Variants in PKN3 observed in about 807,000 individuals in gnomAD.
The protein encoded by PKN3 is protein kinase N3.
A neutral mutation model predicts 113.1 loss-of-function variants in PKN3; 91 were observed. The ratio of observed to expected loss-of-function variants is 0.80; its 90% CI spans 0.68 to 0.96. PKN3 has a LOEUF of 0.96. Ranked by LOEUF, PKN3 falls within the 40% of genes least tolerant of loss-of-function variation. The pLI, the probability that PKN3 is intolerant of heterozygous loss-of-function variation, is 0.00. For missense variants in PKN3, 1,052 were observed against 1,202.2 expected (o/e 0.88, Z 1.85); for synonymous variants, 467 against 499.0 (o/e 0.94, Z 0.85).
At chr9:128,713,957 G>T in intron 9 of PKN3, 89 bp from the exon 10 acceptor site, 1 of 1,337,864 alleles carries the variant, frequency 7.5e-7, no homozygotes. Flanking sequence ...GACCCTGGGG[G>T]CTTGGGCTGT....
In PKN3 at chr9:128,706,817, G is replaced by A. The variant is rs761163313; in HGVS notation, c.516G>A (p.Pro172=). The change falls in exon 4 of 22, where the codon CCG becomes CCA. Residue 172 remains proline (P), a synonymous_variant. Transcript: ENST00000291906. ...GCAGCCTGGAGGCCAGTGGGTCCCC[G>A]GAGCCAGGTGAGGCCTTGAGACACA... ...KISSLEASGS[P]EPGPELLAEE... 16 of 1,610,518 alleles carry A rather than the reference G, an allele frequency of 9.9e-6. No individual in the cohort carries two copies. The highest frequency in any genetic ancestry group is 5.0e-5 in the Admixed American group (3 of 59,882).
rs371020072 is a variant in PKN3, at chr9:128,720,310, C to T, written c.2457+27C>T. 6.2e-7 allele frequency: 1 copy of T among 1,612,838 alleles called. No homozygotes were observed. The highest frequency in any genetic ancestry group is 2.2e-5 in the East Asian group (1 of 44,848). On this transcript the variant is annotated intron_variant, in intron 21 of 21. Transcript: ENST00000291906. The surrounding 1 kb of genome is among the most constrained non-coding windows in gnomAD (Gnocchi z 5.5). The stretch of plus-strand genomic sequence containing the variant: ...TGAGCGGCTGGGGTGGCGGTGGTCC[C>T]CTGTGCCTGGCAGGGTAGGTGGCAT...
intron 3 of PKN3, 81 bp downstream of exon 3, chr9:128,705,960 A>C: frequency 7.2e-7 from 1 of 1,385,726 alleles, no homozygotes; most frequent in Non-Finnish European, 9.7e-7. Flanking sequence ...TGGGCTCATA[A>C]GGAGACACCA....
At chr9:128,707,050 T>G in intron 5 of PKN3, 27 bp downstream of exon 5, 2 of 1,613,900 alleles carry the variant, frequency 1.2e-6, no homozygotes, top group Non-Finnish European at 1.7e-6. Flanking sequence ...GGCCCTCTCC[T>G]AAGGCTGGCT....
rs764714294 is a variant in PKN3 at position 128,714,818 on chromosome 9, G to A, written c.1605G>A (p.Met535Ile). 5.6e-6 allele frequency: 9 copies of A among 1,614,030 alleles called. No individual in the cohort carries two copies. Among genetic ancestry groups the A allele is most frequent in the Non-Finnish European group, 7.6e-6 (9 of 1,179,968 alleles). ...CACAGCGCACCAAACGTCCCCATATGGAGCCTAGGACTCGACGTGGGCCAT... is the reference window on the plus strand; with the variant it reads ...CACAGCGCACCAAACGTCCCCATATAGAGCCTAGGACTCGACGTGGGCCAT... ...EETPRTKRPH[M>I]EPRTRRGPSP... The change falls in exon 13 of 22, where the codon ATG (methionine) becomes ATA (isoleucine). Residue 535 changes from methionine to isoleucine, a missense_variant. Met to Ile is a conservative substitution (Grantham distance 10). Coordinates refer to ENST00000291906, the MANE Select transcript of PKN3 (RefSeq NM_013355.5).
chr9:128,717,512 ACCTG>A lies in PKN3; in HGVS notation c.1985+590_1985+593del, dbSNP rs1233626735. ...CTTTGGAGGCTGAGGCGGGTGGATC[ACCTG>A]AGGTCAGGAGTTCGTGACCTGGCCA... On this transcript the variant is annotated intron_variant, in intron 16 of 21. Coordinates refer to ENST00000291906, the MANE Select transcript of PKN3 (RefSeq NM_013355.5). Among the ~76,000 whole-genome samples, 3 of 150,942 alleles carry A rather than the reference ACCTG, an allele frequency of 2.0e-5. No individual in the cohort carries two copies. In the East Asian group the frequency reaches 6.0e-4, roughly 30 times the overall value.
At chr9:128,708,259 G>A (rs1862079163) in intron 6 of PKN3, among the ~76,000 whole-genome samples, 1 of 151,912 alleles carries the variant, frequency 6.6e-6, no homozygotes, top group Non-Finnish European at 1.5e-5. Context: ...GCACATGCCT[G>A]TAGTCCCAGC....
chr9:128,710,522 C>T lies in PKN3; in HGVS notation c.836-2530C>T, dbSNP rs185195683. ...TTCTTTTTTTTTTGAGATGGAGTCTCGCACTGTCGCCCAGACTGGAGTGCA... is the reference window on the plus strand; with the variant it reads ...TTCTTTTTTTTTTGAGATGGAGTCTTGCACTGTCGCCCAGACTGGAGTGCA... On this transcript the variant is annotated intron_variant, in intron 6 of 21. Transcript: ENST00000291906. 1.6e-3 allele frequency among the ~76,000 whole-genome samples: 241 copies of T among 151,882 alleles called. 1 individual carries two copies. The highest frequency in any genetic ancestry group is 5.1e-3 in the African/African-American group (210 of 41,416).
At chr9:128,714,700 G>A (rs778274082) in intron 12 of PKN3, 36 bp downstream of exon 12, 21 of 1,350,094 alleles carry the variant, frequency 1.6e-5, no homozygotes, top group Admixed American at 3.4e-5. Context: ...TCCTAGGGCC[G>A]GCTGGGGCTG....
At chr9:128,703,543 G>A in intron 1 of PKN3, 1 of 985,416 alleles carries the variant, frequency 1.0e-6, no homozygotes, top group Non-Finnish European at 1.2e-6. Flanking sequence ...GCGTGGGCCC[G>A]GAGGACCGAG....
chr9:128,713,917 C>T, intron 9 of PKN3, 129 bp from the exon 10 acceptor site: 1 of 944,494 alleles, frequency 1.1e-6, no homozygotes, highest in Non-Finnish European at 1.7e-6. Flanking sequence ...GAATCTGTTT[C>T]TCTGGGTCTT....
rs1221987265 is a variant in PKN3 at position 128,714,041 on chromosome 9, T to A, written c.1237-5T>A. 1.2e-6 allele frequency: 2 copies of A among 1,613,916 alleles called. No homozygotes were observed. Among genetic ancestry groups the A allele is most frequent in the East Asian group, 4.5e-5 (2 of 44,900 alleles). Reference sequence around the variant, plus strand: ...TGGTCCACAACCCTGCCCCTACCCCTGCAGGTGACCTTCTGCGATCCTGTC... The same window carrying A: ...TGGTCCACAACCCTGCCCCTACCCCAGCAGGTGACCTTCTGCGATCCTGTC... On this transcript the variant is annotated splice_region_variant and splice_polypyrimidine_tract_variant and intron_variant, in intron 9 of 21. Transcript: ENST00000291906.
At position 128,702,627 on chromosome 9, in the gene PKN3, A is replaced by C; in HGVS notation, c.-289A>C. The C allele has an allele frequency of 4.2e-5, 16 of 376,654 alleles. No individual in the cohort carries two copies. Among genetic ancestry groups the C allele is most frequent in the East Asian group, 9.4e-5 (2 of 21,360 alleles). 23.3% of individuals were successfully genotyped at this position (376,654 alleles called of 1,614,324 possible). On this transcript the variant is annotated 5_prime_UTR_variant, in exon 1 of 22. Coordinates refer to ENST00000291906, the MANE Select transcript of PKN3 (RefSeq NM_013355.5). The stretch of plus-strand genomic sequence containing the variant: ...TGAGGCGCGGTCACGCCCAGCGGGA[A>C]CCGCAGGCGCCGAAGCCCGGGTACT...
At chr9:128,710,323 A>G (rs1589482085) in intron 6 of PKN3, among the ~76,000 whole-genome samples, 2 of 151,594 alleles carry the variant, frequency 1.3e-5, no homozygotes, top group Non-Finnish European at 2.9e-5. Flanking sequence ...TGGGCTTTGA[A>G]GCTGTATCCC....
chr9:128,704,082 G>A (rs1489790620), intron 1 of PKN3: 1 of 985,290 alleles, frequency 1.0e-6, no homozygotes, highest in East Asian at 1.1e-4. Flanking sequence ...CTGAGTCTGG[G>A]GTTGCGGCCC....
Position 128,705,456 on chromosome 9 carries a change from T to G in PKN3, c.178T>G (p.Ser60Ala). ...LGHVQQLLRS[S>A]NRRLEQLHGE... ...CCATGTGCAGCAGCTGCTGCGGTCC[T>G]CCAACCGCCGCCTGGAGCAGCTGCA... Residue 60 changes from serine to alanine, a missense_variant, in exon 2 of 22, where the codon TCC becomes GCC. Transcript: ENST00000291906. 1 of 1,574,302 alleles carries G rather than the reference T, an allele frequency of 6.4e-7. No individual in the cohort carries two copies. The highest frequency in any genetic ancestry group is 8.6e-7 in the Non-Finnish European group (1 of 1,160,770).
At chr9:128,705,954 C>A in intron 3 of PKN3, 75 bp downstream of exon 3, 1 of 1,417,200 alleles carries the variant, frequency 7.1e-7, no homozygotes, top group Admixed American at 2.5e-5. Context: ...AGCCATTGGG[C>A]TCATAAGGAG....
intron 6 of PKN3, among the ~76,000 whole-genome samples, chr9:128,712,236 C>G (rs1862202525): frequency 6.6e-6 from 1 of 152,106 alleles, no homozygotes; most frequent in South Asian, 2.1e-4. Flanking sequence ...GCTTCTCTTT[C>G]TACCCTGGAC....
intron 16 of PKN3, among the ~76,000 whole-genome samples, chr9:128,717,805 G>T (rs1246172181): frequency 6.7e-6 from 1 of 149,138 alleles, no homozygotes; most frequent in Non-Finnish European, 1.5e-5. Flanking sequence ...GGATCATGAG[G>T]TCAAGAGATC....
Sources: gnomAD v4.1 joint callset for allele counts (sites outside exome capture counted in the v4.1 genomes callset) on GRCh38, gnomAD v4.1.1 for gene constraint, Gnocchi (gnomAD v3.1) non-coding constraint, MANE v1.5 for transcripts, NCBI Gene and HGNC (gene_info 2026-07-23, HGNC 2026-07-21) for gene names.